Variants in GALNT1 observed in about 807,000 individuals in gnomAD.
GALNT1 encodes the protein polypeptide N-acetylgalactosaminyltransferase 1, also known as GalNAc transferase 1.
GALNT1 carries 17 observed loss-of-function variants against 65.7 expected under a neutral mutation model. The observed-to-expected ratio is 0.26, with a 90% CI of 0.18 to 0.39. The LOEUF (loss-of-function observed/expected upper bound fraction) is 0.39. GALNT1 is among the 10% of genes least tolerant of loss of function. The pLI is 1.00. For synonymous variants in GALNT1, 210 were observed against 219.7 expected, an observed-to-expected ratio of 0.96 and a Z score of 0.39; for missense variants, 460 against 672.8, an observed-to-expected ratio of 0.68 and a Z score of 3.50.
At chr18:35,668,949 G>A (rs772573692) in intron 3 of GALNT1, among the ~76,000 whole-genome samples, 104 of 152,098 alleles carry the variant, frequency 6.8e-4, no homozygotes, top group Non-Finnish European at 9.9e-4. Context: ...TTATTTAAAA[G>A]CATTACACAC....
chr18:35,648,801 A>G (rs11663626), intron 1 of GALNT1, among the ~76,000 whole-genome samples: 34,185 of 152,080 alleles, frequency 0.22, 4,311 homozygotes, highest in African/African-American at 0.34. Context: ...GTATAAGTTT[A>G]TACAGTGGAC....
chr18:35,601,563 G>C (rs2046583049), intron 1 of GALNT1, among the ~76,000 whole-genome samples: 3 of 151,998 alleles, frequency 2.0e-5, no homozygotes, highest in African/African-American at 7.2e-5. Flanking sequence ...TTTTGATGTA[G>C]ATGTTTATTT....
chr18:35,655,842 G>A (rs1306818665), intron 2 of GALNT1, among the ~76,000 whole-genome samples: 1 of 151,990 alleles, frequency 6.6e-6, no homozygotes, highest in Non-Finnish European at 1.5e-5. Context: ...ATATCTTCTT[G>A]GGAAATCTGC....
chr18:35,669,829 C>A (rs1447049632), intron 3 of GALNT1, among the ~76,000 whole-genome samples: 1 of 151,948 alleles, frequency 6.6e-6, no homozygotes, highest in Admixed American at 6.6e-5. Flanking sequence ...GAGGTCTTAG[C>A]CAGTGTAAGG....
chr18:35,698,650 A>G (rs1170517653), intron 9 of GALNT1, among the ~76,000 whole-genome samples: 1 of 152,028 alleles, frequency 6.6e-6, no homozygotes, highest in Admixed American at 6.6e-5. Context: ...GTTCTACTGG[A>G]TGGTGCTGGA....
intron 1 of GALNT1, among the ~76,000 whole-genome samples, chr18:35,620,820 A>G (rs561106409): frequency 1.3e-5 from 2 of 150,966 alleles, no homozygotes; most frequent in East Asian, 3.9e-4. Context: ...TCCTGCAATC[A>G]TGTCTCTTTA....
At chr18:35,695,276 G>A (rs1467507164) in intron 9 of GALNT1, among the ~76,000 whole-genome samples, 3 of 152,020 alleles carry the variant, frequency 2.0e-5, no homozygotes, top group African/African-American at 7.2e-5. Context: ...GTTGGGTGGG[G>A]GTGGGAAGAA....
At chr18:35,618,477 C>T in intron 1 of GALNT1, among the ~76,000 whole-genome samples, 1 of 151,902 alleles carries the variant, frequency 6.6e-6, no homozygotes, top group East Asian at 1.9e-4. Context: ...CTTTTAGTTG[C>T]ATTATGGGTA....
At chr18:35,685,912 C>T (rs756442185) in intron 5 of GALNT1, among the ~76,000 whole-genome samples, 3 of 151,944 alleles carry the variant, frequency 2.0e-5, no homozygotes, top group Non-Finnish European at 2.9e-5. Context: ...ACTAAAAATA[C>T]AAAAAATTAG....
At chr18:35,651,577 G>A (rs2047311523) in intron 1 of GALNT1, among the ~76,000 whole-genome samples, 1 of 152,126 alleles carries the variant, frequency 6.6e-6, no homozygotes, top group African/African-American at 2.4e-5. Context: ...GTTCTCTTCA[G>A]CTCTGACTCT....
chr18:35,618,284 T>C (rs1242278394), intron 1 of GALNT1, among the ~76,000 whole-genome samples: 3 of 152,162 alleles, frequency 2.0e-5, no homozygotes, highest in Non-Finnish European at 4.4e-5. Flanking sequence ...TTCTTTGGTA[T>C]GTTTAGTTTA....
At chr18:35,677,337 C>T (rs1356766128) in intron 3 of GALNT1, among the ~76,000 whole-genome samples, 4 of 152,236 alleles carry the variant, frequency 2.6e-5, no homozygotes, top group Admixed American at 2.0e-4. Flanking sequence ...CACCTGAAAA[C>T]ATTCATCAGG....
At chr18:35,586,302 A>G (rs1021438000) in intron 1 of GALNT1, among the ~76,000 whole-genome samples, 1 of 152,076 alleles carries the variant, frequency 6.6e-6, no homozygotes, top group Admixed American at 6.6e-5. Flanking sequence ...CCTTTTTACT[A>G]TTAACTTTTG....
intron 2 of GALNT1, among the ~76,000 whole-genome samples, chr18:35,660,210 A>G (rs1264938308): frequency 7.1e-6 from 1 of 141,656 alleles, no homozygotes; most frequent in East Asian, 2.0e-4. Flanking sequence ...TAGTATATTT[A>G]CCCCAAAAAG....
chr18:35,654,373 CTT>C (rs997635231), intron 1 of GALNT1, among the ~76,000 whole-genome samples, 185 bp from the exon 2 acceptor site: 80 of 151,956 alleles, frequency 5.3e-4, no homozygotes, highest in African/African-American at 1.8e-3. Flanking sequence ...TCCTGATACT[CTT>C]TATATATTTT....
intron 1 of GALNT1, among the ~76,000 whole-genome samples, chr18:35,611,490 A>G (rs1025290633): frequency 6.6e-6 from 1 of 152,250 alleles, no homozygotes; most frequent in African/African-American, 2.4e-5. Context: ...AGAAATATTT[A>G]TGTAATCGAA....
chr18:35,692,334 A>T lies in GALNT1; in HGVS notation c.1299+14A>T, dbSNP rs769257717. 1 of 1,462,050 alleles carries T rather than the reference A, an allele frequency of 6.8e-7. No homozygotes were observed. Among genetic ancestry groups the T allele is most frequent in the South Asian group, 1.3e-5 (1 of 77,500 alleles). 90.6% of individuals were successfully genotyped at this position (1,462,050 alleles called of 1,614,324 possible). ...TCATTGGGAGAGGTAAGAAATATAT[A>T]TATATATATTCTATGTGGTTATTAT... is the stretch of plus-strand genomic sequence containing the variant. On this transcript the variant is annotated intron_variant, in intron 9 of 11. Transcript: ENST00000269195.
chr18:35,593,076 C>T (rs915350371), intron 1 of GALNT1, among the ~76,000 whole-genome samples: 1 of 152,024 alleles, frequency 6.6e-6, no homozygotes, highest in Non-Finnish European at 1.5e-5. Context: ...CAGGGTTCCA[C>T]GGGAGAAGGA....
At chr18:35,601,458 T>C (rs2046581436) in intron 1 of GALNT1, among the ~76,000 whole-genome samples, 1 of 152,114 alleles carries the variant, frequency 6.6e-6, no homozygotes, top group Non-Finnish European at 1.5e-5. Context: ...CTGTTCTTTA[T>C]TATTTTTTCC....
Sources: gnomAD v4.1 joint callset for allele counts (sites outside exome capture counted in the v4.1 genomes callset) on GRCh38, gnomAD v4.1.1 for gene constraint, MANE v1.5 for transcripts, NCBI Gene and HGNC (gene_info 2026-07-23, HGNC 2026-07-21) for gene names.